WWOX: variants seen among roughly 807,000 people sequenced by gnomAD.
WWOX encodes the protein WW domain-containing oxidoreductase.
A neutral mutation model predicts 46.2 loss-of-function variants in WWOX; 69 were observed. The ratio of observed to expected loss-of-function variants is 1.49; its 90% CI spans 1.23 to 1.82. The LOEUF (loss-of-function observed/expected upper bound fraction) is 1.82. Among genes scored for constraint, WWOX ranks in the 40% most tolerant of loss-of-function variants. The probability of loss-of-function intolerance (pLI) is 0.00; values close to 1 mark genes in which losing one functional copy is unlikely to be tolerated. For synonymous variants in WWOX, 359 were observed against 202.6 expected (o/e 1.77, Z -6.56); for missense variants, 919 against 542.6 (o/e 1.69, Z -6.89).
intron 8 of WWOX, among the ~76,000 whole-genome samples, chr16:78,986,190 T>C (rs1032718880): frequency 1.3e-5 from 2 of 152,230 alleles, no homozygotes; most frequent in African/African-American, 4.8e-5. Flanking sequence ...CACATTTATA[T>C]TTTTACATAT....
At chr16:78,327,258 C>G (rs568314931) in intron 5 of WWOX, among the ~76,000 whole-genome samples, 3 of 152,322 alleles carry the variant, frequency 2.0e-5, no homozygotes, top group Admixed American at 6.5e-5. Flanking sequence ...AGAAATCACT[C>G]TGTCATCATA....
intron 8 of WWOX, among the ~76,000 whole-genome samples, chr16:79,174,155 C>A (rs28373769): frequency 0.031 from 4,793 of 152,238 alleles, 273 homozygotes; most frequent in African/African-American, 0.11. Flanking sequence ...AGTGACGATA[C>A]CGGGACACGT....
chr16:78,277,044 A>G (rs1055977882), intron 5 of WWOX, among the ~76,000 whole-genome samples: 3 of 152,182 alleles, frequency 2.0e-5, no homozygotes, highest in African/African-American at 7.2e-5. Flanking sequence ...TCATTTGCGA[A>G]CCTTGTTAAA....
At chr16:78,393,603 A>AT (rs1308326969) in intron 6 of WWOX, among the ~76,000 whole-genome samples, 2 of 152,180 alleles carry the variant, frequency 1.3e-5, no homozygotes, top group African/African-American at 4.8e-5. Flanking sequence ...CACCTGAGAT[A>AT]TTTATTACTT....
intron 8 of WWOX, among the ~76,000 whole-genome samples, chr16:79,031,511 TA>T (rs2047753936): frequency 1.3e-5 from 2 of 152,050 alleles, no homozygotes; most frequent in Non-Finnish European, 2.9e-5. Flanking sequence ...AAGTGGTCAT[TA>T]AAGCCTAGAA....
intron 8 of WWOX, among the ~76,000 whole-genome samples, chr16:78,809,246 A>G (rs1265671877): frequency 2.0e-5 from 3 of 148,566 alleles, no homozygotes; most frequent in Non-Finnish European, 3.0e-5. Context: ...TCTGAGCAGA[A>G]TGTTTTTAGA....
intron 5 of WWOX, among the ~76,000 whole-genome samples, chr16:78,309,886 C>G (rs888592376): frequency 6.6e-6 from 1 of 152,070 alleles, no homozygotes; most frequent in African/African-American, 2.4e-5. Context: ...AGAGTGTTCT[C>G]CTATGTAAAT....
intron 5 of WWOX, among the ~76,000 whole-genome samples, chr16:78,332,040 G>A (rs992526514): frequency 1.3e-5 from 2 of 152,116 alleles, no homozygotes; most frequent in Non-Finnish European, 2.9e-5. Flanking sequence ...CTGCTCTCAG[G>A]GAGTCTGATT....
chr16:79,098,567 T>A (rs2049123804), intron 8 of WWOX, among the ~76,000 whole-genome samples: 1 of 152,222 alleles, frequency 6.6e-6, no homozygotes, highest in African/African-American at 2.4e-5. Flanking sequence ...AGTGTTCCTG[T>A]GTGTTGAGCA....
At chr16:79,109,430 T>C (rs988000735) in intron 8 of WWOX, among the ~76,000 whole-genome samples, 1 of 152,164 alleles carries the variant, frequency 6.6e-6, no homozygotes, top group African/African-American at 2.4e-5. Context: ...TATGGCTCTT[T>C]TTTACTTTAG....
At chr16:78,586,833 AC>A (rs1342921471) in intron 8 of WWOX, among the ~76,000 whole-genome samples, 8 of 151,964 alleles carry the variant, frequency 5.3e-5, no homozygotes, top group Non-Finnish European at 1.2e-4. Flanking sequence ...ATAATTTCAG[AC>A]TCAGGTTTGT....
intron 8 of WWOX, among the ~76,000 whole-genome samples, chr16:78,619,160 T>C (rs866758011): frequency 1.5e-3 from 1 of 658 alleles, no homozygotes; most frequent in Non-Finnish European, 3.1e-3. Context: ...TATATATATA[T>C]ATATATATAT....
At chr16:78,576,982 T>G (rs985633531) in intron 8 of WWOX, among the ~76,000 whole-genome samples, 2 of 152,252 alleles carry the variant, frequency 1.3e-5, no homozygotes, top group African/African-American at 4.8e-5. Flanking sequence ...TGTAATTAGT[T>G]AGCTATTGCT....
chr16:78,520,664 A>G (rs923948320), intron 8 of WWOX, among the ~76,000 whole-genome samples: 1 of 152,020 alleles, frequency 6.6e-6, no homozygotes, highest in Non-Finnish European at 1.5e-5. Flanking sequence ...GCTGATTAAT[A>G]ATGTTTGTTA....
intron 8 of WWOX, among the ~76,000 whole-genome samples, chr16:78,822,194 G>A (rs1055105573): frequency 6.6e-6 from 1 of 152,020 alleles, no homozygotes; most frequent in African/African-American, 2.4e-5. Flanking sequence ...ACTCTTTAGT[G>A]TCAAAAAATC....
At chr16:78,257,104 G>A (rs990493957) in intron 5 of WWOX, among the ~76,000 whole-genome samples, 4 of 151,898 alleles carry the variant, frequency 2.6e-5, no homozygotes, top group South Asian at 2.1e-4. Context: ...ATACAGGCTC[G>A]TGGCGTGGGG....
chr16:78,310,557 A>G (rs2080221069), intron 5 of WWOX, among the ~76,000 whole-genome samples: 1 of 152,230 alleles, frequency 6.6e-6, no homozygotes, highest in African/African-American at 2.4e-5. Context: ...CTTAGTGGTC[A>G]CCAGAATGCA....
intron 8 of WWOX, among the ~76,000 whole-genome samples, chr16:79,068,599 T>G (rs914430990): frequency 2.7e-5 from 4 of 150,604 alleles, no homozygotes; most frequent in Non-Finnish European, 5.9e-5. Context: ...AGCCTAGGAG[T>G]TCGAGACCTG....
intron 8 of WWOX, among the ~76,000 whole-genome samples, chr16:78,811,431 C>T (rs951337687): frequency 6.6e-6 from 1 of 151,846 alleles, no homozygotes; most frequent in Admixed American, 6.6e-5. Context: ...TCTCCCTCTT[C>T]CTCCCTTTCT....
Sources: allele counts gnomAD v4.1 joint callset (sites outside exome capture counted in the v4.1 genomes callset), GRCh38; gene constraint gnomAD v4.1.1; transcripts MANE v1.5; gene names NCBI Gene and HGNC (gene_info 2026-07-23, HGNC 2026-07-21).